Variants in EVA1A observed in about 807,000 individuals in gnomAD.
The protein encoded by EVA1A is protein eva-1 homolog A.
A neutral mutation model predicts 9.8 loss-of-function variants in EVA1A; 7 were observed. The ratio of observed to expected loss-of-function variants is 0.71; its 90% confidence interval spans 0.41 to 1.34. The LOEUF (loss-of-function observed/expected upper bound fraction) is 1.34, where lower values mean the gene tolerates loss of function less well. Among genes scored for constraint, EVA1A ranks in the 40% most tolerant of loss-of-function variants. The pLI, the probability that EVA1A is intolerant of heterozygous loss-of-function variation, is 0.01. For synonymous variants in EVA1A, 90 were observed against 85.6 expected (o/e 1.05, Z -0.28); for missense variants, 206 against 205.9 (o/e 1.00, Z 0.00).
chr2:75,563,534 C>T (rs553403336), upstream of EVA1A, among the ~76,000 whole-genome samples: 13 of 152,214 alleles, frequency 8.5e-5, no homozygotes, highest in African/African-American at 3.1e-4. Flanking sequence ...AGATACCGAA[C>T]TCTACGCCAA....
chr2:75,519,829 A>G (rs1675173835), intron 2 of EVA1A, among the ~76,000 whole-genome samples: 1 of 150,672 alleles, frequency 6.6e-6, no homozygotes, highest in Non-Finnish European at 1.5e-5. Context: ...TCCTGTCTCC[A>G]CTAATGTTAC....
chr2:75,548,979 G>GAAAAAA (rs150555298), intron 1 of EVA1A, among the ~76,000 whole-genome samples: 63 of 130,156 alleles, frequency 4.8e-4, no homozygotes, highest in African/African-American at 1.7e-3. Context: ...CTGGCTAAAT[G>GAAAAAA]AAAAATATAT....
intron 1 of EVA1A, among the ~76,000 whole-genome samples, chr2:75,532,653 A>C (rs547877055): frequency 6.6e-6 from 1 of 152,322 alleles, no homozygotes; most frequent in African/African-American, 2.4e-5. Flanking sequence ...AAGACCTAAC[A>C]TTTGTGTCAC....
At chr2:75,494,324 G>T (rs949191228) in intron 3 of EVA1A, among the ~76,000 whole-genome samples, 1 of 152,198 alleles carries the variant, frequency 6.6e-6, no homozygotes, top group Non-Finnish European at 1.5e-5. Context: ...ACGGACTGGG[G>T]TAAACACAGG....
At chr2:75,540,540 C>T (rs771767917) in intron 1 of EVA1A, among the ~76,000 whole-genome samples, 2 of 152,136 alleles carry the variant, frequency 1.3e-5, no homozygotes, top group Non-Finnish European at 2.9e-5. Flanking sequence ...ATATTAATCT[C>T]GGAAAAAGCC....
chr2:75,569,047 T>C (rs1677078471), intron 1 of EVA1A, among the ~76,000 whole-genome samples: 1 of 152,210 alleles, frequency 6.6e-6, no homozygotes, highest in Non-Finnish European at 1.5e-5. Flanking sequence ...CTTTAAAGAA[T>C]CTCCGTACTG....
Position 75,516,062 on chromosome 2 carries a change from C to T in EVA1A, c.85+1994G>A, listed in dbSNP as rs374705933. ...GCAACAGATGCACTGGGAGAAAATA[C>T]GAGGGGCCAGGGGCCCTGCGGGGTT... On this transcript the variant is annotated intron_variant, in intron 3 of 3. Coordinates refer to ENST00000393913, the MANE Select transcript of EVA1A (RefSeq NM_001135032.2). Among the ~76,000 whole-genome samples, 134 of 152,316 alleles carry T rather than the reference C, an allele frequency of 8.8e-4. 2 individuals carry two copies. Among genetic ancestry groups the T allele is most frequent in the African/African-American group, 3.0e-3 (124 of 41,558 alleles).
intron 1 of EVA1A, among the ~76,000 whole-genome samples, chr2:75,549,376 C>T (rs1040553920): frequency 6.6e-6 from 1 of 152,160 alleles, no homozygotes; most frequent in East Asian, 1.9e-4. Context: ...AGCACTTCCA[C>T]CACTCTTTGT....
chr2:75,494,445 C>T (rs768728555), intron 3 of EVA1A, among the ~76,000 whole-genome samples: 2 of 152,198 alleles, frequency 1.3e-5, no homozygotes, highest in Non-Finnish European at 2.9e-5. Flanking sequence ...GTCTTGTTCT[C>T]TTACTCTCTC....
chr2:75,499,550 GT>G (rs1300189901), intron 3 of EVA1A, among the ~76,000 whole-genome samples: 1 of 152,172 alleles, frequency 6.6e-6, no homozygotes, highest in Non-Finnish European at 1.5e-5. Flanking sequence ...GGGTTCTGCT[GT>G]TTATCAAGAT....
intron 3 of EVA1A, among the ~76,000 whole-genome samples, chr2:75,503,583 G>T (rs571573026): frequency 6.6e-6 from 1 of 152,292 alleles, no homozygotes; most frequent in South Asian, 2.1e-4. Context: ...CTCCATGCAA[G>T]TGCAACCTTC....
At chr2:75,495,316 G>A (rs1265189495) in intron 3 of EVA1A, among the ~76,000 whole-genome samples, 2 of 152,170 alleles carry the variant, frequency 1.3e-5, no homozygotes, top group South Asian at 2.1e-4. Context: ...CCAGCCCTAG[G>A]AGAGAGGGAG....
At chr2:75,506,052 T>A (rs1406865940) in intron 3 of EVA1A, among the ~76,000 whole-genome samples, 1 of 152,224 alleles carries the variant, frequency 6.6e-6, no homozygotes, top group Non-Finnish European at 1.5e-5. Context: ...ACACAGCATA[T>A]AACACTGTTC....
At chr2:75,495,805 C>G (rs1002001004) in intron 3 of EVA1A, among the ~76,000 whole-genome samples, 7 of 152,156 alleles carry the variant, frequency 4.6e-5, no homozygotes, top group African/African-American at 1.4e-4. Context: ...CAAATATGTT[C>G]CTAAAATTTC....
At chr2:75,539,439 C>A (rs1006124709) in intron 1 of EVA1A, among the ~76,000 whole-genome samples, 2 of 152,198 alleles carry the variant, frequency 1.3e-5, no homozygotes, top group Non-Finnish European at 2.9e-5. Context: ...AGTTAGTTAA[C>A]CTCCCTGACT....
intron 3 of EVA1A, chr2:75,517,740 G>A: frequency 2.8e-6 from 2 of 713,182 alleles, no homozygotes; most frequent in Middle Eastern, 2.3e-4. Flanking sequence ...TACTCCATCA[G>A]CCCCCTCCTT....
intron 3 of EVA1A, among the ~76,000 whole-genome samples, chr2:75,497,156 G>C (rs1674240877): frequency 6.6e-6 from 1 of 152,096 alleles, no homozygotes; most frequent in South Asian, 2.1e-4. Flanking sequence ...GTCTCCAAAT[G>C]CAATTGTGAC....
chr2:75,500,553 T>C (rs1054038807), intron 3 of EVA1A, among the ~76,000 whole-genome samples: 14 of 152,186 alleles, frequency 9.2e-5, no homozygotes, highest in Non-Finnish European at 1.6e-4. Flanking sequence ...AGGAAATTCA[T>C]CCATCTCTTT....
intron 1 of EVA1A, among the ~76,000 whole-genome samples, chr2:75,536,777 C>T (rs1171214454): frequency 6.6e-6 from 1 of 151,984 alleles, no homozygotes; most frequent in African/African-American, 2.4e-5. Flanking sequence ...TTTGAATAGC[C>T]CTATAGCTAT....
Sources: allele counts gnomAD v4.1 joint callset (sites outside exome capture counted in the v4.1 genomes callset), GRCh38; gene constraint gnomAD v4.1.1; transcripts MANE v1.5; gene names NCBI Gene and HGNC (gene_info 2026-07-23, HGNC 2026-07-21).